PCDHGA11: variants seen among roughly 807,000 people sequenced by gnomAD.
PCDHGA11 encodes the protein protocadherin gamma-A11.
PCDHGA11 carries 39 observed loss-of-function variants against 60.4 expected under a neutral mutation model. The observed-to-expected ratio is 0.65, with a 90% confidence interval of 0.50 to 0.84. The LOEUF (loss-of-function observed/expected upper bound fraction) is 0.84. PCDHGA11 is among the 40% of genes least tolerant of loss of function. The pLI, the probability that PCDHGA11 is intolerant of heterozygous loss-of-function variation, is 0.00. For missense variants in PCDHGA11, 1,165 were observed against 1,197.7 expected (o/e 0.97, Z 0.40); for synonymous variants, 533 against 510.3 (o/e 1.04, Z -0.60).
At chr5:141,458,987 C>A (rs2098958554) in intron 1 of PCDHGA11, among the ~76,000 whole-genome samples, 1 of 152,168 alleles carries the variant, frequency 6.6e-6, no homozygotes, top group Non-Finnish European at 1.5e-5. Context: ...CCTGCCTCAC[C>A]CTCCCAAAGT....
chr5:141,500,521 A>T lies in PCDHGA11; in HGVS notation c.2493-4872A>T, dbSNP rs185546944. 3.7e-3 allele frequency among the ~76,000 whole-genome samples: 560 copies of T among 152,176 alleles called. 5 individuals are homozygous for T. Among genetic ancestry groups the T allele is most frequent in the Admixed American group, 0.011 (162 of 15,280 alleles). On this transcript the variant is annotated intron_variant, in intron 2 of 3. Coordinates refer to ENST00000398587, the MANE Select transcript of PCDHGA11 (RefSeq NM_018914.3). Reference sequence around the variant, plus strand: ...ACCGCGCCTGGCCGAGCTTCATTTTAAAAAAATCTCATTCACCTAAATAAG... The same window carrying T: ...ACCGCGCCTGGCCGAGCTTCATTTTTAAAAAATCTCATTCACCTAAATAAG...
intron 1 of PCDHGA11, among the ~76,000 whole-genome samples, chr5:141,442,945 C>G (rs1000311671): frequency 1.8e-4 from 28 of 152,150 alleles, no homozygotes; most frequent in African/African-American, 6.3e-4. Context: ...GAAACTTCCT[C>G]TCACTGCAAA....
rs1382764259 is a variant in PCDHGA11 at position 141,478,383 on chromosome 5, T to G, written c.2434-16424T>G. 2.5e-6 allele frequency: 4 copies of G among 1,613,630 alleles called. No individual in the cohort carries two copies. In the Admixed American group the frequency reaches 6.7e-5, roughly 27 times the overall value. Reference sequence around the variant, plus strand: ...CGGGGAGGCCTGATGTCGCCGCACCTTTACCATCAGGTGTATCTCACCACG... The same window carrying G: ...CGGGGAGGCCTGATGTCGCCGCACCGTTACCATCAGGTGTATCTCACCACG... On this transcript the variant is annotated intron_variant, in intron 1 of 3. Coordinates refer to ENST00000398587, the MANE Select transcript of PCDHGA11 (RefSeq NM_018914.3).
intron 1 of PCDHGA11, among the ~76,000 whole-genome samples, chr5:141,453,288 ATTATTTAT>A (rs577328880): frequency 6.6e-6 from 1 of 151,342 alleles, no homozygotes; most frequent in Non-Finnish European, 1.5e-5. Context: ...TAATTTTTTA[ATTATTTAT>A]TTATTTATTT....
At position 141,489,157 on chromosome 5, in the gene PCDHGA11, C is replaced by A. The variant is rs1222682069; in HGVS notation, c.2434-5650C>A. 1.0e-6 allele frequency: 1 copy of A among 984,444 alleles called. No homozygotes were observed. The highest frequency in any genetic ancestry group is 1.6e-5 in the African/African-American group (1 of 61,296). The allele number at this position is 984,444 out of a possible 1,614,324, so 61.0% of individuals were successfully genotyped here. On this transcript the variant is annotated intron_variant, in intron 1 of 3. Coordinates refer to ENST00000398587, the MANE Select transcript of PCDHGA11 (RefSeq NM_018914.3). This position sits in a 1 kb window ranked among gnomAD's most constrained non-coding sequence, Gnocchi z 4.5. ...AGAGGCTGGAAGGAGACATAAGAGA[C>A]TTCAGCTGCTGCATTCCAAGCCCTG...
intron 1 of PCDHGA11, chr5:141,478,111 A>G (rs2099430294): frequency 1.2e-6 from 2 of 1,613,982 alleles, no homozygotes; most frequent in Admixed American, 1.7e-5. Context: ...TCACTGTGTC[A>G]GTAACCGAGG....
Position 141,432,670 on chromosome 5 carries a change from G to A in PCDHGA11, c.2433+9010G>A, listed in dbSNP as rs749221752. ...CGCGAGCCCTGCTGGACAGAGACGC[G>A]CTCAAGCAGAGCCTCGTAGTGGCCG... On this transcript the variant is annotated intron_variant, in intron 1 of 3. Coordinates refer to ENST00000398587, the MANE Select transcript of PCDHGA11 (RefSeq NM_018914.3). The surrounding 1 kb of genome is among the most constrained non-coding windows in gnomAD (Gnocchi z 6.0). The A allele has an allele frequency of 6.8e-6, 11 of 1,613,748 alleles. No individual in the cohort carries two copies. The East Asian group carries it at 1.8e-4, about 26-fold the overall frequency.
In PCDHGA11 at chr5:141,486,610, C is replaced by G; in HGVS notation, c.2434-8197C>G. 6.2e-7 allele frequency: 1 copy of G among 1,613,620 alleles called. No homozygotes were observed. The highest frequency in any genetic ancestry group is 8.5e-7 in the Non-Finnish European group (1 of 1,180,038). On this transcript the variant is annotated intron_variant, in intron 1 of 3. Coordinates refer to ENST00000398587, the MANE Select transcript of PCDHGA11 (RefSeq NM_018914.3). This position sits in a 1 kb window ranked among gnomAD's most constrained non-coding sequence, Gnocchi z 5.0. ...GGGACCTGCTTTGCTCCCTTGCAGC[C>G]TCTGACCCAGACTCTGGCTTGAATG...
At chr5:141,463,075 A>G (rs943294678) in intron 1 of PCDHGA11, among the ~76,000 whole-genome samples, 3 of 152,180 alleles carry the variant, frequency 2.0e-5, no homozygotes, top group East Asian at 1.9e-4. Context: ...ATGAAATTCA[A>G]ACATTTTCCA....
intron 1 of PCDHGA11, among the ~76,000 whole-genome samples, chr5:141,483,393 C>T (rs1475344614): frequency 6.6e-6 from 1 of 152,080 alleles, no homozygotes; most frequent in Admixed American, 6.5e-5. Flanking sequence ...TTGATAAATG[C>T]TTGAACCAGC....
chr5:141,422,044 G>C lies in PCDHGA11; in HGVS notation c.817G>C (p.Gly273Arg). 6.2e-7 allele frequency: 1 copy of C among 1,611,530 alleles called. No individual in the cohort carries two copies. The highest frequency in any genetic ancestry group is 1.7e-5 in the Admixed American group (1 of 59,390). ...GGTTAATGCAACGGATCCAGACGAG[G>C]GAATCAACGGGGAAGTAATGTATTC... ...LMVNATDPDE[G>R]INGEVMYSFR... is the part of the protein sequence containing the mutation. Residue 273 changes from glycine (G) to arginine (R), a missense_variant, in exon 1 of 4, where the codon GGA becomes CGA. Gly to Arg is a moderately radical substitution (Grantham distance 125). Transcript: ENST00000398587.
Position 141,432,759 on chromosome 5 carries a change from G to A in PCDHGA11, c.2433+9099G>A. 6.2e-7 allele frequency: 1 copy of A among 1,614,150 alleles called. No individual in the cohort carries two copies. The highest frequency in any genetic ancestry group is 8.5e-7 in the Non-Finnish European group (1 of 1,180,006). On this transcript the variant is annotated intron_variant, in intron 1 of 3. Coordinates refer to ENST00000398587, the MANE Select transcript of PCDHGA11 (RefSeq NM_018914.3). This position sits in a 1 kb window ranked among gnomAD's most constrained non-coding sequence, Gnocchi z 6.0. ...ACGCTCACCGTGGCCGTGGCCGACA[G>A]CATCCCCCAAGTCCTGGCGGACCTC...
intron 1 of PCDHGA11, among the ~76,000 whole-genome samples, chr5:141,447,752 G>T (rs2154561873): frequency 6.6e-6 from 1 of 152,280 alleles, no homozygotes; most frequent in Admixed American, 6.5e-5. Context: ...TCTTGCATGT[G>T]ACTGTATATA....
intron 1 of PCDHGA11, chr5:141,433,007 C>CT: frequency 6.2e-7 from 1 of 1,614,198 alleles, no homozygotes; most frequent in Non-Finnish European, 8.5e-7. Context: ...GCAGGCTTTC[C>CT]TGCAGACCTA....
rs2099735810 is a variant in PCDHGA11 at position 141,491,979 on chromosome 5, G to A, written c.2434-2828G>A. On this transcript the variant is annotated intron_variant, in intron 1 of 3. Transcript: ENST00000398587. This position sits in a 1 kb window ranked among gnomAD's most constrained non-coding sequence, Gnocchi z 6.9. ...CAAAAAAGGCCGGGGCCTCCTTCGA[G>A]CTTCCGGTGAATTTCGGGCGATTTC... 6.4e-6 allele frequency: 5 copies of A among 787,296 alleles called. No homozygotes were observed. Among genetic ancestry groups the A allele is most frequent in the Non-Finnish European group, 9.4e-6 (5 of 533,208 alleles). 48.8% of individuals were successfully genotyped at this position (787,296 alleles called of 1,614,324 possible).
intron 1 of PCDHGA11, among the ~76,000 whole-genome samples, chr5:141,444,150 GGAT>G (rs2098419400): frequency 8.8e-6 from 1 of 114,014 alleles, no homozygotes; most frequent in African/African-American, 3.4e-5. Context: ...TGTGTGTACT[GGAT>G]TTTTTTTTTT....
intron 2 of PCDHGA11, among the ~76,000 whole-genome samples, chr5:141,500,779 T>C (rs1222392685): frequency 1.3e-5 from 2 of 152,238 alleles, no homozygotes; most frequent in Non-Finnish European, 2.9e-5. Context: ...TGAATATACA[T>C]ATTATTTTAC....
At chr5:141,480,649 C>A (rs2099522804) in intron 1 of PCDHGA11, among the ~76,000 whole-genome samples, 1 of 152,184 alleles carries the variant, frequency 6.6e-6, no homozygotes, top group Non-Finnish European at 1.5e-5. Flanking sequence ...AACTTGGTTG[C>A]ACATTAAAAT....
At chr5:141,461,592 A>G (rs777372149) in intron 1 of PCDHGA11, among the ~76,000 whole-genome samples, 4 of 152,148 alleles carry the variant, frequency 2.6e-5, no homozygotes, top group African/African-American at 2.4e-5. Flanking sequence ...TTATATTTCC[A>G]TTATAATTTA....
Sources: allele counts gnomAD v4.1 joint callset (sites outside exome capture counted in the v4.1 genomes callset), GRCh38; gene constraint gnomAD v4.1.1; non-coding constraint Gnocchi (gnomAD v3.1); transcripts MANE v1.5; gene names NCBI Gene and HGNC (gene_info 2026-07-23, HGNC 2026-07-21).